TMEM120A: variants seen among roughly 807,000 people sequenced by gnomAD.
The protein encoded by TMEM120A is ion channel TACAN.
Under a neutral mutation model 54.3 loss-of-function variants are expected in TMEM120A, and 45 were observed. That is an observed-to-expected ratio of 0.83 (90% CI 0.65 to 1.06). The LOEUF (loss-of-function observed/expected upper bound fraction) is 1.06, where lower values mean the gene tolerates loss of function less well. TMEM120A is among the 50% of genes least tolerant of loss of function. The pLI, the probability that TMEM120A is intolerant of heterozygous loss-of-function variation, is 0.00. For missense variants in TMEM120A, 424 were observed against 441.7 expected, an observed-to-expected ratio of 0.96 and a Z score of 0.36; for synonymous variants, 204 against 178.5, an observed-to-expected ratio of 1.14 and a Z score of -1.14.
At chr7:75,988,171 C>G in intron 6 of TMEM120A, 23 bp from the exon 7 acceptor site, 1 of 1,611,012 alleles carries the variant, frequency 6.2e-7, no homozygotes, top group East Asian at 2.2e-5. Flanking sequence ...GCCACCATCA[C>G]CCCCAGCGCC....
Position 75,987,181 on chromosome 7 carries a change from C to G in TMEM120A, c.1023G>C (p.Lys341Asn). ...HKFHSQRHGS[K>N]KD The stretch of plus-strand genomic sequence containing the variant: ...AGGGGAAGGCCCAGCCTCAATCCTT[C>G]TTGCTCCCGTGCCGCTGACTGTGAA... Residue 341 changes from lysine (K) to asparagine (N), a missense_variant, in exon 12 of 12, where the codon AAG (lysine) becomes AAC (asparagine). Physicochemically the swap from Lys to Asn is moderately conservative, Grantham distance 94. Coordinates refer to ENST00000493111, the MANE Select transcript of TMEM120A (RefSeq NM_031925.3). 1 of 1,600,290 alleles carries G rather than the reference C, an allele frequency of 6.2e-7. No individual in the cohort carries two copies. The highest frequency in any genetic ancestry group is 2.3e-5 in the East Asian group (1 of 44,336).
Position 75,986,975 on chromosome 7 carries a change from A to G in TMEM120A, c.*197T>C, listed in dbSNP as rs1274991791. 3 of 609,998 alleles carry G rather than the reference A, an allele frequency of 4.9e-6. No homozygotes were observed. The highest frequency in any genetic ancestry group is 3.7e-5 in the African/African-American group (2 of 53,874). The allele number at this position is 609,998 out of a possible 1,614,324, so 37.8% of individuals were successfully genotyped here. A position where few individuals can be genotyped will look rare whatever the true frequency, so the allele number is the denominator to read the frequency against. On this transcript the variant is annotated 3_prime_UTR_variant, in exon 12 of 12. Transcript: ENST00000493111. ...CCTCCCCTCCCCCAGGAGAACACAC[A>G]CGCTCAGGCCACCTCTGGGCCTCTC...
intron 4 of TMEM120A, 36 bp from the exon 5 acceptor site, chr7:75,988,552 T>C (rs1554560842): frequency 6.9e-7 from 1 of 1,454,750 alleles, no homozygotes. Context: ...GGTGGGGTGC[T>C]GGTGGGGCCC....
At chr7:75,987,468 C>T (rs1554560114) in intron 10 of TMEM120A, 40 bp from the exon 11 acceptor site, 9 of 1,559,778 alleles carry the variant, frequency 5.8e-6, no homozygotes, top group Admixed American at 3.9e-5. Context: ...AGACCCAGTC[C>T]CTGCTGGAGC....
intron 2 of TMEM120A, 63 bp from the exon 3 acceptor site, chr7:75,992,323 C>A: frequency 1.3e-6 from 2 of 1,561,958 alleles, no homozygotes; most frequent in Non-Finnish European, 8.7e-7. Flanking sequence ...CTGACTCCCA[C>A]AGGGGCAGAA....
At chr7:75,989,419 C>T (rs942087810) in intron 3 of TMEM120A, among the ~76,000 whole-genome samples, 195 bp from the exon 4 acceptor site, 4 of 151,710 alleles carry the variant, frequency 2.6e-5, no homozygotes, top group African/African-American at 9.7e-5. Flanking sequence ...TTCCTGGCCG[C>T]CTGCTCCGGA....
At position 75,989,159 on chromosome 7, in the gene TMEM120A, GATTACTTA is replaced by G; in HGVS notation, c.375_377+5del. Reference sequence around the variant, plus strand: ...AGGTTGGGGGGTGGAGGCTCGGCCTGATTACTTAGCCTGCTTGCTCAGGAGCGTGACGT... The same window carrying G: ...AGGTTGGGGGGTGGAGGCTCGGCCTGGCCTGCTTGCTCAGGAGCGTGACGT... On this transcript the variant is annotated splice_donor_variant and splice_donor_5th_base_variant and coding_sequence_variant and intron_variant, in exon 4 of 12. Transcript: ENST00000493111. LOFTEE classifies it high-confidence loss of function. 1 of 1,532,404 alleles carries G rather than the reference GATTACTTA, an allele frequency of 6.5e-7. No homozygotes were observed. Among genetic ancestry groups the G allele is most frequent in the Non-Finnish European group, 8.8e-7 (1 of 1,136,174 alleles). 94.9% of individuals were successfully genotyped at this position (1,532,404 alleles called of 1,614,324 possible). A position where few individuals can be genotyped will look rare whatever the true frequency, so the allele number is the denominator to read the frequency against.
intron 3 of TMEM120A, among the ~76,000 whole-genome samples, chr7:75,991,694 G>A (rs1341978715): frequency 2.0e-5 from 3 of 152,068 alleles, no homozygotes; most frequent in Non-Finnish European, 4.4e-5. Context: ...ATGAGCCACC[G>A]CGCCCAGCCT....
Position 75,988,176 on chromosome 7 carries a change from A to G in TMEM120A, c.564-28T>C, listed in dbSNP as rs782584728. 8 of 1,611,122 alleles carry G rather than the reference A, an allele frequency of 5.0e-6. No homozygotes were observed. In the African/African-American group the frequency reaches 1.1e-4, roughly 22 times the overall value. ...GGAGCAGAGAGCCACCATCACCCCCAGCGCCTGTTCCTGCTTCCCGGAGGG... is the reference window on the plus strand; with the variant it reads ...GGAGCAGAGAGCCACCATCACCCCCGGCGCCTGTTCCTGCTTCCCGGAGGG... On this transcript the variant is annotated intron_variant, in intron 6 of 11. Coordinates refer to ENST00000493111, the MANE Select transcript of TMEM120A (RefSeq NM_031925.3).
intron 3 of TMEM120A, among the ~76,000 whole-genome samples, chr7:75,990,614 G>A (rs925080335): frequency 8.5e-5 from 13 of 152,056 alleles, no homozygotes; most frequent in Admixed American, 2.0e-4. Flanking sequence ...GGCTGGGTGC[G>A]GTGGCTCACA....
chr7:75,991,173 C>T (rs1359381645), intron 3 of TMEM120A, among the ~76,000 whole-genome samples: 1 of 152,252 alleles, frequency 6.6e-6, no homozygotes, highest in Admixed American at 6.5e-5. Context: ...GGGTTTTGCA[C>T]TGCCCCATCC....
At chr7:75,994,231 C>A (rs1371596076) in intron 1 of TMEM120A, among the ~76,000 whole-genome samples, 1 of 152,206 alleles carries the variant, frequency 6.6e-6, no homozygotes, top group Non-Finnish European at 1.5e-5. Flanking sequence ...GGGACGGGGT[C>A]GGGGTCTGGG....
At position 75,987,619 on chromosome 7, in the gene TMEM120A, CAG is replaced by C. The variant is rs782406056; in HGVS notation, c.785-19_785-18del. 2 of 1,606,810 alleles carry C rather than the reference CAG, an allele frequency of 1.2e-6. No individual in the cohort carries two copies. Among genetic ancestry groups the C allele is most frequent in the African/African-American group, 2.7e-5 (2 of 74,806 alleles). On this transcript the variant is annotated intron_variant, in intron 9 of 11. Coordinates refer to ENST00000493111, the MANE Select transcript of TMEM120A (RefSeq NM_031925.3). ...GGAAGCCCTCTGCGGGGAGGAAGGT[CAG>C]GGCACAGGACGGCCAGGGACAGAGG... is the stretch of plus-strand genomic sequence containing the variant.
rs377185785 is a variant in TMEM120A, at chr7:75,988,065, C to T, written c.629+18G>A. On this transcript the variant is annotated intron_variant, in intron 7 of 11. Transcript: ENST00000493111. ...TCCTTGTCCCAGCTCCTGCCCCTGC[C>T]GGGGCCCAGCCACTCACCACGTCAG... The T allele has an allele frequency of 4.5e-4, 719 of 1,602,700 alleles. No homozygotes were observed. The highest frequency in any genetic ancestry group is 2.8e-3 in the African/African-American group (207 of 74,764).
chr7:75,991,668 T>C (rs1789848511), intron 3 of TMEM120A, among the ~76,000 whole-genome samples: 1 of 152,120 alleles, frequency 6.6e-6, no homozygotes, highest in Non-Finnish European at 1.5e-5. Flanking sequence ...CCCAAAAAAG[T>C]GCTGGGATTA....
At position 75,987,988 on chromosome 7, in the gene TMEM120A, A is replaced by T; in HGVS notation, c.630-4T>A. On this transcript the variant is annotated splice_region_variant and splice_polypyrimidine_tract_variant and intron_variant, in intron 7 of 11. Coordinates refer to ENST00000493111, the MANE Select transcript of TMEM120A (RefSeq NM_031925.3). ...CTGGTACATGAGACCGTCGGGCCTA[A>T]GGTAAAAAGTGGAGGGCAGTGTGGG... is the stretch of plus-strand genomic sequence containing the variant. 2 of 1,599,798 alleles carry T rather than the reference A, an allele frequency of 1.3e-6. No homozygotes were observed. Among genetic ancestry groups the T allele is most frequent in the Non-Finnish European group, 1.7e-6 (2 of 1,173,780 alleles).
intron 3 of TMEM120A, among the ~76,000 whole-genome samples, chr7:75,989,657 G>A (rs1789759273): frequency 6.6e-6 from 1 of 151,794 alleles, no homozygotes; most frequent in South Asian, 2.1e-4. Context: ...CACACGCCTG[G>A]CCACATCTAG....
At position 75,989,534 on chromosome 7, in the gene TMEM120A, AG is replaced by A. The variant is rs1176612518; in HGVS notation, c.318-311del. Reference sequence around the variant, plus strand: ...AGAACCCGGCTCTCCCTCCCTGCTGAGGGCCGTCCCCCTGTCCCCGATTGCT... The same window carrying A: ...AGAACCCGGCTCTCCCTCCCTGCTGAGGCCGTCCCCCTGTCCCCGATTGCT... On this transcript the variant is annotated intron_variant, in intron 3 of 11. Transcript: ENST00000493111. Among the ~76,000 whole-genome samples, 20 of 140,436 alleles carry A rather than the reference AG, an allele frequency of 1.4e-4. No individual in the cohort carries two copies. The East Asian group carries it at 4.4e-3, about 31-fold the overall frequency. 92.1% of individuals were successfully genotyped at this position (140,436 alleles called of 152,430 possible).
Position 75,987,955 on chromosome 7 carries a change from C to T in TMEM120A, c.659G>A (p.Arg220Gln), listed in dbSNP as rs782340266. The T allele has an allele frequency of 1.5e-5, 24 of 1,603,084 alleles. No homozygotes were observed. The highest frequency in any genetic ancestry group is 4.5e-5 in the South Asian group (4 of 89,384). Residue 220 changes from arginine to glutamine, a missense_variant, in exon 8 of 12, where the codon CGG becomes CAG. Physicochemically the swap from Arg to Gln is conservative, Grantham distance 43. Transcript: ENST00000493111. ...WPDGLMYQKF[R>Q]NQFLSFSMYQ... ...CATGGAAAAGGAGAGGAATTGGTTC[C>T]GGAATTTCTGGTACATGAGACCGTC... is the stretch of plus-strand genomic sequence containing the variant.
Sources: allele counts gnomAD v4.1 joint callset (sites outside exome capture counted in the v4.1 genomes callset), GRCh38; gene constraint gnomAD v4.1.1; transcripts MANE v1.5; gene names NCBI Gene and HGNC (gene_info 2026-07-23, HGNC 2026-07-21).